Variants in GPR37 observed in about 807,000 individuals in gnomAD.
The protein encoded by GPR37 is prosaposin receptor GPR37.
GPR37 carries 20 observed loss-of-function variants against 43.6 expected under a neutral mutation model. The observed-to-expected ratio is 0.46, with a 90% confidence interval of 0.32 to 0.67. The LOEUF (loss-of-function observed/expected upper bound fraction) is 0.67. GPR37 is among the 30% of genes least tolerant of loss of function. The pLI is 0.03. For missense variants in GPR37, 724 were observed against 797.2 expected (o/e 0.91, Z 1.11); for synonymous variants, 315 against 322.6 (o/e 0.98, Z 0.25).
At position 124,764,285 on chromosome 7, in the gene GPR37, T is replaced by C; in HGVS notation, c.692A>G (p.Glu231Gly). ...GTTTCCCCGGCGGGGACCCCCAGGCTCATGGATTCCTTCACCCAAGGATCC... is the reference window on the plus strand; with the variant it reads ...GTTTCCCCGGCGGGGACCCCCAGGCCCATGGATTCCTTCACCCAAGGATCC... ...QNGSLGEGIH[E>G]PGGPRRGNST... The change falls in exon 1 of 2, where the codon GAG (glutamate) becomes GGG (glycine). Residue 231 changes from glutamate to glycine, a missense_variant. By Grantham distance (98) the Glu-to-Gly change is moderately conservative. Coordinates refer to ENST00000303921, the MANE Select transcript of GPR37 (RefSeq NM_005302.5). The surrounding 1 kb of genome is among the most constrained non-coding windows in gnomAD (Gnocchi z 5.4). 1 of 1,601,620 alleles carries C rather than the reference T, an allele frequency of 6.2e-7. No individual in the cohort carries two copies.
At chr7:124,754,868 T>C (rs1363475800) in intron 1 of GPR37, among the ~76,000 whole-genome samples, 2 of 152,250 alleles carry the variant, frequency 1.3e-5, no homozygotes, top group Non-Finnish European at 2.9e-5. Context: ...TTCTATGCCT[T>C]TGGCTTCTTC....
rs753365102 is a variant in GPR37 at position 124,744,460 on chromosome 7, A to G, written c.*2065T>C. 5.3e-5 allele frequency: 8 copies of G among 152,104 alleles called. No individual in the cohort carries two copies. The highest frequency in any genetic ancestry group is 2.1e-4 in the South Asian group (1 of 4,828). The allele number at this position is 152,104 out of a possible 1,614,324, so 9.4% of individuals were successfully genotyped here. On this transcript the variant is annotated 3_prime_UTR_variant, in exon 2 of 2. Coordinates refer to ENST00000303921, the MANE Select transcript of GPR37 (RefSeq NM_005302.5). ...GTCAAACTGGGCTGTTTATTCTTCA[A>G]TCACACCCACTGATTTCTTCTTCTA...
chr7:124,744,962 G>C lies in GPR37; in HGVS notation c.*1563C>G, dbSNP rs1404889050. The C allele has an allele frequency of 2.0e-5, 3 of 152,076 alleles. No homozygotes were observed. Among genetic ancestry groups the C allele is most frequent in the African/African-American group, 7.2e-5 (3 of 41,416 alleles). 9.4% of individuals were successfully genotyped at this position (152,076 alleles called of 1,614,324 possible). A position where few individuals can be genotyped will look rare whatever the true frequency, so the allele number is the denominator to read the frequency against. ...AAAGACCTATTACAGGGATCTACAAGAAGACAAGGGCACCTTGTTTGAATT... is the reference window on the plus strand; with the variant it reads ...AAAGACCTATTACAGGGATCTACAACAAGACAAGGGCACCTTGTTTGAATT... On this transcript the variant is annotated 3_prime_UTR_variant, in exon 2 of 2. Coordinates refer to ENST00000303921, the MANE Select transcript of GPR37 (RefSeq NM_005302.5).
At chr7:124,748,984 C>T (rs556366043) in intron 1 of GPR37, among the ~76,000 whole-genome samples, 5 of 152,098 alleles carry the variant, frequency 3.3e-5, no homozygotes, top group African/African-American at 1.2e-4. Flanking sequence ...CACAAGCACA[C>T]ATTTATTTAT....
At chr7:124,760,920 C>T (rs113013907) in intron 1 of GPR37, among the ~76,000 whole-genome samples, 5 of 151,958 alleles carry the variant, frequency 3.3e-5, no homozygotes, top group African/African-American at 9.7e-5. Flanking sequence ...AACTTTGGGA[C>T]GCAGAGGTGG....
chr7:124,756,905 A>C (rs1584725779), intron 1 of GPR37, among the ~76,000 whole-genome samples: 1 of 152,222 alleles, frequency 6.6e-6, no homozygotes, highest in Non-Finnish European at 1.5e-5. Flanking sequence ...AAGCAAAGGT[A>C]GACCCTCACC....
intron 1 of GPR37, among the ~76,000 whole-genome samples, chr7:124,753,670 G>T (rs1182969096): frequency 6.6e-6 from 1 of 152,052 alleles, no homozygotes; most frequent in Non-Finnish European, 1.5e-5. Context: ...CAGGTAGTTT[G>T]GTTAGGATAA....
Position 124,764,630 on chromosome 7 carries a change from G to A in GPR37, c.347C>T (p.Pro116Leu), listed in dbSNP as rs1230885802. The A allele has an allele frequency of 6.3e-7, 1 of 1,590,760 alleles. No individual in the cohort carries two copies. The highest frequency in any genetic ancestry group is 1.1e-5 in the South Asian group (1 of 88,968). The change falls in exon 1 of 2, where the codon CCA (proline) becomes CTA (leucine). Residue 116 changes from proline (P) to leucine (L), a missense_variant. By Grantham distance (98) the Pro-to-Leu change is moderately conservative. Around this residue, in one of 2 missense-constraint regions of GPR37, gnomAD observed 382 missense variants for 355.4 expected, o/e 1.07. Transcript: ENST00000303921. This position sits in a 1 kb window ranked among gnomAD's most constrained non-coding sequence, Gnocchi z 5.4. ...AAGPPGPPTR[P>L]PGPWRWKGAR... The stretch of plus-strand genomic sequence containing the variant: ...ACCTTTCCACCTCCAGGGGCCAGGT[G>A]GCCTGGTTGGAGGTCCCGGGGGTCC...
In GPR37 at chr7:124,765,167, C is replaced by T. The variant is rs1162447758; in HGVS notation, c.-191G>A. 2.0e-6 allele frequency: 1 copy of T among 494,778 alleles called. No individual in the cohort carries two copies. The allele number at this position is 494,778 out of a possible 1,614,324, so 30.6% of individuals were successfully genotyped here. On this transcript the variant is annotated 5_prime_UTR_variant, in exon 1 of 2. Transcript: ENST00000303921. ...ACACACACGCCCCCTATAATCCTTC[C>T]TCCTTTGGCATCTTGTGCATTTCTC... is the stretch of plus-strand genomic sequence containing the variant.
chr7:124,744,665 C>G lies in GPR37; in HGVS notation c.*1860G>C, dbSNP rs1200353797. 6.6e-6 allele frequency: 1 copy of G among 152,220 alleles called. No homozygotes were observed. Among genetic ancestry groups the G allele is most frequent in the East Asian group, 1.9e-4 (1 of 5,182 alleles). The allele number at this position is 152,220 out of a possible 1,614,324, so 9.4% of individuals were successfully genotyped here. ...AGAACTTCACATCTTCCTGAGGCAC[C>G]TAACAAGCCCCAGCTTATATCATAG... On this transcript the variant is annotated 3_prime_UTR_variant, in exon 2 of 2. Coordinates refer to ENST00000303921, the MANE Select transcript of GPR37 (RefSeq NM_005302.5).
intron 1 of GPR37, among the ~76,000 whole-genome samples, chr7:124,747,761 T>C (rs901436924): frequency 1.1e-4 from 17 of 152,128 alleles, no homozygotes; most frequent in Admixed American, 7.9e-4. Flanking sequence ...AGGATGCTCA[T>C]GTTTTCCAGT....
At chr7:124,751,875 A>G (rs370738965) in intron 1 of GPR37, among the ~76,000 whole-genome samples, 18 of 152,282 alleles carry the variant, frequency 1.2e-4, no homozygotes, top group Middle Eastern at 3.4e-3. Flanking sequence ...AATAATTAAC[A>G]GCAACAAAAG....
intron 1 of GPR37, among the ~76,000 whole-genome samples, chr7:124,754,398 G>T (rs1450553718): frequency 6.6e-6 from 1 of 152,102 alleles, no homozygotes; most frequent in African/African-American, 2.4e-5. Flanking sequence ...AGAGTAAGAC[G>T]TGAAGTAGAC....
At chr7:124,762,391 A>C (rs1338566781) in intron 1 of GPR37, among the ~76,000 whole-genome samples, 1 of 151,720 alleles carries the variant, frequency 6.6e-6, no homozygotes, top group Non-Finnish European at 1.5e-5. Context: ...ATTTCCAGTG[A>C]GATAAGCCAA....
chr7:124,747,808 C>T (rs1793690628), intron 1 of GPR37, among the ~76,000 whole-genome samples: 2 of 152,100 alleles, frequency 1.3e-5, no homozygotes, highest in Non-Finnish European at 2.9e-5. Context: ...ACAGCAAACA[C>T]TCAAGAGCTT....
intron 1 of GPR37, among the ~76,000 whole-genome samples, chr7:124,758,611 TGC>T (rs1793819070): frequency 6.6e-6 from 1 of 152,174 alleles, no homozygotes; most frequent in South Asian, 2.1e-4. Context: ...TTCTTGTCAG[TGC>T]TAGCTACAAT....
chr7:124,747,049 T>G lies in GPR37; in HGVS notation c.1318A>C (p.Ser440Arg). The G allele has an allele frequency of 6.2e-7, 1 of 1,613,978 alleles. No individual in the cohort carries two copies. The highest frequency in any genetic ancestry group is 1.7e-5 in the Admixed American group (1 of 59,998). Reference sequence around the variant, plus strand: ...CCAAAATACCACCACAGTCTCGCACTGTCGTAGGTGAGGGCTAGAACATAG... The same window carrying G: ...CCAAAATACCACCACAGTCTCGCACGGTCGTAGGTGAGGGCTAGAACATAG... Reference protein sequence around the residue: ...TIYVLALTYDSARLWWYFGCY... With the variant: ...TIYVLALTYDRARLWWYFGCY... The change falls in exon 2 of 2, where the codon AGT becomes CGT. Residue 440 changes from serine to arginine, a missense_variant. Coordinates refer to ENST00000303921, the MANE Select transcript of GPR37 (RefSeq NM_005302.5).
Position 124,764,900 on chromosome 7 carries a change from G to T in GPR37, c.77C>A (p.Ser26Tyr). The change falls in exon 1 of 2, where the codon TCT becomes TAT. Residue 26 changes from serine (S) to tyrosine (Y), a missense_variant. Transcript: ENST00000303921. This position sits in a 1 kb window ranked among gnomAD's most constrained non-coding sequence, Gnocchi z 5.4. ...LLLLLKVSAS[S>Y]ALGVAPASRN... ...GGACGCAGGGGCGACCCCGAGGGCA[G>T]AAGAGGCAGACACCTTGAGCAGTAG... 1 of 1,602,098 alleles carries T rather than the reference G, an allele frequency of 6.2e-7. No homozygotes were observed.
At chr7:124,758,166 T>C (rs1489614246) in intron 1 of GPR37, among the ~76,000 whole-genome samples, 2 of 152,232 alleles carry the variant, frequency 1.3e-5, no homozygotes, top group Admixed American at 6.5e-5. Flanking sequence ...AACTTTTCTT[T>C]CTTGTGGAAG....
Sources: allele counts gnomAD v4.1 joint callset (sites outside exome capture counted in the v4.1 genomes callset), GRCh38; gene constraint gnomAD v4.1.1; regional missense constraint gnomAD v4.1.1; non-coding constraint Gnocchi (gnomAD v3.1); transcripts MANE v1.5; gene names NCBI Gene and HGNC (gene_info 2026-07-23, HGNC 2026-07-21).